Variants in CAMK2D observed in about 807,000 individuals in gnomAD.
CAMK2D encodes the protein calcium/calmodulin dependent protein kinase II delta.
A neutral mutation model predicts 84.0 loss-of-function variants in CAMK2D; 37 were observed. The ratio of observed to expected loss-of-function variants is 0.44; its 90% CI spans 0.34 to 0.58. CAMK2D has a LOEUF of 0.58. CAMK2D is among the 20% of genes least tolerant of loss of function. The pLI is 0.02. For synonymous variants in CAMK2D, 202 were observed against 212.5 expected (o/e 0.95, Z 0.43); for missense variants, 448 against 652.5 (o/e 0.69, Z 3.41).
intron 2 of CAMK2D, among the ~76,000 whole-genome samples, chr4:113,672,076 T>C (rs1286164814): frequency 1.3e-5 from 2 of 151,978 alleles, no homozygotes; most frequent in African/African-American, 4.8e-5. Flanking sequence ...GAATGTATTG[T>C]TTAAATTCTA....
In CAMK2D at chr4:113,597,108, G is replaced by A. The variant is rs183347390; in HGVS notation, c.275+12044C>T. 2.5e-3 allele frequency among the ~76,000 whole-genome samples: 382 copies of A among 152,232 alleles called. 2 individuals carry two copies. The highest frequency in any genetic ancestry group is 0.016 in the South Asian group (79 of 4,818). ...GCTGGGATTACAGGCATGAGCCACC[G>A]CGCCTGGCCGGGTCCTAAAATTTTT... On this transcript the variant is annotated intron_variant, in intron 4 of 20. Transcript: ENST00000511664.
At chr4:113,475,419 C>G (rs1310864430) in intron 16 of CAMK2D, among the ~76,000 whole-genome samples, 1 of 152,162 alleles carries the variant, frequency 6.6e-6, no homozygotes, top group Non-Finnish European at 1.5e-5. Flanking sequence ...AAGAACTAGG[C>G]TGACTATATT....
At chr4:113,573,045 G>T (rs2154228167) in intron 4 of CAMK2D, among the ~76,000 whole-genome samples, 1 of 152,296 alleles carries the variant, frequency 6.6e-6, no homozygotes, top group African/African-American at 2.4e-5. Flanking sequence ...TCTACTTGAG[G>T]AAGGAGGGTG....
At chr4:113,702,252 A>G (rs1475070968) in intron 2 of CAMK2D, among the ~76,000 whole-genome samples, 1 of 152,234 alleles carries the variant, frequency 6.6e-6, no homozygotes, top group Non-Finnish European at 1.5e-5. Context: ...TAACTTCTTT[A>G]GAACAAGGGT....
chr4:113,613,284 G>A (rs2099008077), intron 3 of CAMK2D, among the ~76,000 whole-genome samples: 1 of 152,060 alleles, frequency 6.6e-6, no homozygotes, highest in South Asian at 2.1e-4. Context: ...AATTGGCCTG[G>A]CTAGGACCAA....
At chr4:113,752,378 T>G (rs923279036) in intron 2 of CAMK2D, among the ~76,000 whole-genome samples, 4 of 152,172 alleles carry the variant, frequency 2.6e-5, no homozygotes, top group African/African-American at 9.6e-5. Context: ...ACCTTTATAC[T>G]ACTTGCTGCA....
intron 8 of CAMK2D, among the ~76,000 whole-genome samples, chr4:113,526,240 A>G (rs937782341): frequency 6.6e-6 from 1 of 152,218 alleles, no homozygotes; most frequent in African/African-American, 2.4e-5. Context: ...AGAAATGGAA[A>G]TTGGTGGCAC....
intron 12 of CAMK2D, among the ~76,000 whole-genome samples, chr4:113,512,075 A>G (rs1207666447): frequency 6.6e-6 from 1 of 152,222 alleles, no homozygotes; most frequent in African/African-American, 2.4e-5. Context: ...GCTGCAGATC[A>G]CTGTTATGTA....
intron 3 of CAMK2D, among the ~76,000 whole-genome samples, chr4:113,636,398 T>C (rs749969329): frequency 1.3e-5 from 2 of 152,228 alleles, no homozygotes; most frequent in Non-Finnish European, 2.9e-5. Flanking sequence ...GCTTTGGCCC[T>C]TGCAGTCCTC....
chr4:113,464,655 T>C (rs78110852), intron 17 of CAMK2D, among the ~76,000 whole-genome samples: 2,623 of 152,244 alleles, frequency 0.017, 63 homozygotes, highest in African/African-American at 0.059. Flanking sequence ...GATCCAGGAG[T>C]TTATAAACTT....
At chr4:113,634,797 T>C (rs1383506941) in intron 3 of CAMK2D, among the ~76,000 whole-genome samples, 3 of 152,196 alleles carry the variant, frequency 2.0e-5, no homozygotes. Flanking sequence ...GGAACTTACA[T>C]TACTATCTAT....
At position 113,657,097 on chromosome 4, in the gene CAMK2D, A is replaced by C. The variant is rs181605984; in HGVS notation, c.220+4616T>G. On this transcript the variant is annotated intron_variant, in intron 3 of 20. Transcript: ENST00000511664. ...AAATCTTCCATCCACTGACCCCCTCACTCTGCTCCTTGACTATAAATCCCC... is the reference window on the plus strand; with the variant it reads ...AAATCTTCCATCCACTGACCCCCTCCCTCTGCTCCTTGACTATAAATCCCC... 1.6e-3 allele frequency among the ~76,000 whole-genome samples: 239 copies of C among 151,730 alleles called. 1 individual carries two copies. The highest frequency in any genetic ancestry group is 5.5e-3 in the African/African-American group (227 of 41,350).
intron 9 of CAMK2D, among the ~76,000 whole-genome samples, chr4:113,515,813 A>G (rs531078812): frequency 6.6e-6 from 1 of 152,316 alleles, no homozygotes; most frequent in South Asian, 2.1e-4. Context: ...AATCTGCCCA[A>G]TTACAAATTT....
intron 13 of CAMK2D, among the ~76,000 whole-genome samples, chr4:113,507,652 CTTT>C (rs1560580444): frequency 6.6e-6 from 1 of 151,944 alleles, no homozygotes; most frequent in Non-Finnish European, 1.5e-5. Context: ...AGGTGTTTTT[CTTT>C]TTTAAAAAAT....
chr4:113,477,758 A>AG (rs1176711941), intron 16 of CAMK2D, among the ~76,000 whole-genome samples: 1 of 150,284 alleles, frequency 6.7e-6, no homozygotes, highest in Non-Finnish European at 1.5e-5. Flanking sequence ...AAAAAAAAAA[A>AG]AAAGAATATT....
chr4:113,613,661 A>G (rs1341105106), intron 3 of CAMK2D, among the ~76,000 whole-genome samples: 1 of 152,112 alleles, frequency 6.6e-6, no homozygotes, highest in Admixed American at 6.6e-5. Context: ...GAAAATTGTT[A>G]TTTTTCCACT....
At chr4:113,699,641 T>A (rs1406649180) in intron 2 of CAMK2D, among the ~76,000 whole-genome samples, 1 of 152,092 alleles carries the variant, frequency 6.6e-6, no homozygotes, top group African/African-American at 2.4e-5. Flanking sequence ...CAGCCCCACA[T>A]CAAAATAACA....
intron 3 of CAMK2D, among the ~76,000 whole-genome samples, chr4:113,641,472 C>T (rs1487114175): frequency 6.6e-6 from 1 of 152,108 alleles, no homozygotes; most frequent in East Asian, 1.9e-4. Flanking sequence ...TGTTTAGATA[C>T]AATATGTTTC....
intron 4 of CAMK2D, among the ~76,000 whole-genome samples, chr4:113,603,197 G>A (rs1213083787): frequency 6.6e-6 from 1 of 151,964 alleles, no homozygotes; most frequent in South Asian, 2.1e-4. Context: ...AGATGACTTT[G>A]CGTTATTTTA....
Sources: gnomAD v4.1 joint callset for allele counts (sites outside exome capture counted in the v4.1 genomes callset) on GRCh38, gnomAD v4.1.1 for gene constraint, MANE v1.5 for transcripts, NCBI Gene and HGNC (gene_info 2026-07-23, HGNC 2026-07-21) for gene names.